The following BPTF variants were observed in gnomAD, a reference collection of about 807,000 sequenced individuals.
BPTF encodes nucleosome-remodeling factor subunit BPTF.
BPTF carries 18 observed loss-of-function variants against 292.5 expected under a neutral mutation model. The observed-to-expected ratio is 0.06, with a 90% CI of 0.04 to 0.09. BPTF has a LOEUF of 0.09. Ranked by LOEUF, BPTF falls within the 10% of genes least tolerant of loss-of-function variation. BPTF has a pLI of 1.00. For synonymous variants in BPTF, 1,225 were observed against 1,251.9 expected, an observed-to-expected ratio of 0.98 and a Z score of 0.45; for missense variants, 2,726 against 3,498.7, an observed-to-expected ratio of 0.78 and a Z score of 5.57.
intron 1 of BPTF, among the ~76,000 whole-genome samples, chr17:67,847,132 A>G (rs2058083195): frequency 6.6e-6 from 1 of 152,220 alleles, no homozygotes; most frequent in African/African-American, 2.4e-5. Flanking sequence ...GGAAGTAATA[A>G]TGGTATCTAT....
At chr17:67,937,837 G>A (rs1054023735) in intron 18 of BPTF, among the ~76,000 whole-genome samples, 6 of 152,182 alleles carry the variant, frequency 3.9e-5, no homozygotes, top group African/African-American at 7.2e-5. Flanking sequence ...AGATCCGGCC[G>A]GGTACAGTGG....
Position 67,944,391 on chromosome 17 carries a change from C to T in BPTF, c.6700+19C>T, listed in dbSNP as rs782497902. 1.4e-5 allele frequency: 23 copies of T among 1,607,028 alleles called. No individual in the cohort carries two copies. The highest frequency in any genetic ancestry group is 4.5e-5 in the East Asian group (2 of 44,884). ...GCAGCAGGTAGAGCTGTGGGTTTAT[C>T]GGAAATGTCGGATGTTACTACTACA... On this transcript the variant is annotated intron_variant, in intron 20 of 27. Transcript: ENST00000306378.
chr17:67,826,185 A>G lies in BPTF; in HGVS notation c.461A>G (p.Glu154Gly). The stretch of plus-strand genomic sequence containing the variant: ...GAGGAGGAGGACGGCGACGCCGAGG[A>G]GACCCAGGATTCTGAGGACGACGAG... Reference protein sequence around the residue: ...EEEEEDGDAEETQDSEDDEED... With the variant: ...EEEEEDGDAEGTQDSEDDEED... The change falls in exon 1 of 28, where the codon GAG becomes GGG. Residue 154 changes from glutamate (E) to glycine (G), a missense_variant. Physicochemically the swap from Glu to Gly is moderately conservative, Grantham distance 98 (BLOSUM62 -2). Transcript: ENST00000306378. 6.2e-7 allele frequency: 1 copy of G among 1,605,814 alleles called. No homozygotes were observed. The highest frequency in any genetic ancestry group is 8.5e-7 in the Non-Finnish European group (1 of 1,172,478).
chr17:67,953,695 C>T (rs2066618563), intron 23 of BPTF, among the ~76,000 whole-genome samples: 1 of 151,678 alleles, frequency 6.6e-6, no homozygotes, highest in Admixed American at 6.6e-5. Flanking sequence ...CCTGCCTCAG[C>T]CTCCCGAGTA....
intron 1 of BPTF, among the ~76,000 whole-genome samples, chr17:67,828,065 G>A (rs2056275318): frequency 6.6e-6 from 1 of 151,484 alleles, no homozygotes; most frequent in Non-Finnish European, 1.5e-5. Flanking sequence ...CTGAGCAGCT[G>A]GGATTACAGG....
chr17:67,911,638 G>A lies in BPTF; in HGVS notation c.3754G>A (p.Ala1252Thr). 1 of 1,614,174 alleles carries A rather than the reference G, an allele frequency of 6.2e-7. No homozygotes were observed. Among genetic ancestry groups the A allele is most frequent in the South Asian group, 1.1e-5 (1 of 91,080 alleles). ...CACCATTGTTTCTTCTTCCAAGAGT[G>A]CTTTACATTCATCAGTGCCTAAAAG... ...SDTIVSSSKS[A>T]LHSSVPKSTN... The change falls in exon 11 of 28, where the codon GCT becomes ACT. Residue 1252 changes from alanine to threonine, a missense_variant. Transcript: ENST00000306378.
Position 67,982,683 on chromosome 17 carries a change from T to G in BPTF, c.*395T>G, listed in dbSNP as rs1599103259. The G allele has an allele frequency of 6.2e-6, 1 of 160,906 alleles. No individual in the cohort carries two copies. Among genetic ancestry groups the G allele is most frequent in the Non-Finnish European group, 1.4e-5 (1 of 73,628 alleles). The allele number at this position is 160,906 out of a possible 1,614,324, so 10.0% of individuals were successfully genotyped here. A position where few individuals can be genotyped will look rare whatever the true frequency, so the allele number is the denominator to read the frequency against. On this transcript the variant is annotated 3_prime_UTR_variant, in exon 28 of 28. Coordinates refer to ENST00000306378, the MANE Select transcript of BPTF (RefSeq NM_182641.4). Reference sequence around the variant, plus strand: ...ACAGAAAACTTTTGACTGTATTTATTTATTGTTGCAAAAAAGACGCTTTTT... The same window carrying G: ...ACAGAAAACTTTTGACTGTATTTATGTATTGTTGCAAAAAAGACGCTTTTT...
At chr17:67,982,160 C>A (rs782668198) in intron 27 of BPTF, 92 bp from the exon 28 acceptor site, 1 of 1,167,172 alleles carries the variant, frequency 8.6e-7, no homozygotes, top group South Asian at 1.2e-5. Flanking sequence ...GGCTGCTTCT[C>A]CCAGACTGAC....
chr17:67,888,830 T>C (rs1454335952), intron 4 of BPTF, among the ~76,000 whole-genome samples: 1 of 152,182 alleles, frequency 6.6e-6, no homozygotes, highest in Non-Finnish European at 1.5e-5. Flanking sequence ...ACCTGCCTAG[T>C]TCCTGCTGTC....
At chr17:67,836,417 A>G (rs1020673633) in intron 1 of BPTF, among the ~76,000 whole-genome samples, 4 of 152,176 alleles carry the variant, frequency 2.6e-5, no homozygotes, top group Admixed American at 2.0e-4. Flanking sequence ...TATAGTATAT[A>G]GTATATTCTA....
chr17:67,886,400 CTTTTG>C, intron 4 of BPTF: 1 of 978,456 alleles, frequency 1.0e-6, no homozygotes, highest in South Asian at 4.1e-5. Flanking sequence ...TGGTTTTTTG[CTTTTG>C]TTTTTGTTTT....
At chr17:67,832,959 T>G (rs2056836877) in intron 1 of BPTF, among the ~76,000 whole-genome samples, 1 of 146,834 alleles carries the variant, frequency 6.8e-6, no homozygotes, top group African/African-American at 2.7e-5. Context: ...GGCTAATTTT[T>G]TGTATTTTTT....
chr17:67,951,981 G>A (rs1451483023), intron 23 of BPTF, among the ~76,000 whole-genome samples: 1 of 142,520 alleles, frequency 7.0e-6, no homozygotes, highest in Admixed American at 7.6e-5. Flanking sequence ...CTTGAACCCA[G>A]AAGGTGGAGG....
In BPTF at chr17:67,911,246, G is replaced by A; in HGVS notation, c.3362G>A (p.Arg1121Lys). 5 of 1,614,016 alleles carry A rather than the reference G, an allele frequency of 3.1e-6. No individual in the cohort carries two copies. Among genetic ancestry groups the A allele is most frequent in the Non-Finnish European group, 4.2e-6 (5 of 1,179,976 alleles). ...GAAGGGTGTCAGAGTGACTCGATGA[G>A]ACAAGAACAGAGCCCAAATGCAAAT... The part of the protein sequence containing the change: ...AKEGCQSDSM[R>K]QEQSPNANND... The change falls in exon 11 of 28, where the codon AGA (arginine) becomes AAA (lysine). Residue 1121 changes from arginine to lysine, a missense_variant. Transcript: ENST00000306378.
intron 23 of BPTF, among the ~76,000 whole-genome samples, chr17:67,953,559 G>A (rs371824893): frequency 7.2e-6 from 1 of 138,656 alleles, no homozygotes; most frequent in African/African-American, 2.7e-5. Context: ...TGCCCGGCCC[G>A]TCAAATTGTT....
At chr17:67,964,454 T>C (rs1555685798) in intron 25 of BPTF, 50 bp downstream of exon 25, 11 of 1,540,156 alleles carry the variant, frequency 7.1e-6, no homozygotes, top group Non-Finnish European at 9.7e-6. Context: ...GCCAGCATAA[T>C]TTTGGAAGCA....
At position 67,964,427 on chromosome 17, in the gene BPTF, A is replaced by G. The variant is rs112821420; in HGVS notation, c.8454+23A>G. 1.8e-5 allele frequency: 28 copies of G among 1,570,402 alleles called. No homozygotes were observed. In the East Asian group the frequency reaches 5.9e-4, roughly 33 times the overall value. On this transcript the variant is annotated intron_variant, in intron 25 of 27. Coordinates refer to ENST00000306378, the MANE Select transcript of BPTF (RefSeq NM_182641.4). ...CAGGTGAGACCCCTCTGTGTGCAGC[A>G]TTTCAAAATGAAATCAGCCAGCATA... is the stretch of plus-strand genomic sequence containing the variant.
chr17:67,840,565 AT>A (rs1199226368), intron 1 of BPTF, among the ~76,000 whole-genome samples: 1 of 118,354 alleles, frequency 8.4e-6, no homozygotes, highest in South Asian at 2.6e-4. Context: ...CCTCCTTTCT[AT>A]TTTTTTAGAC....
intron 23 of BPTF, among the ~76,000 whole-genome samples, chr17:67,949,704 C>T (rs2066128610): frequency 6.6e-6 from 1 of 151,408 alleles, no homozygotes; most frequent in South Asian, 2.1e-4. Context: ...TATATACACA[C>T]ATGTATATAT....
Sources: allele counts gnomAD v4.1 joint callset (sites outside exome capture counted in the v4.1 genomes callset), GRCh38; gene constraint gnomAD v4.1.1; transcripts MANE v1.5; gene names NCBI Gene and HGNC (gene_info 2026-07-23, HGNC 2026-07-21).